GNAO1: variants seen among roughly 807,000 people sequenced by gnomAD.
GNAO1 encodes the protein G protein subunit alpha o1.
For missense variants in GNAO1, 166 were observed against 478.7 expected (o/e 0.35, Z 6.10); for synonymous variants, 164 against 180.7 (o/e 0.91, Z 0.74).
chr16:56,351,582 AG>A lies in GNAO1; in HGVS notation c.877+48del. 6.6e-7 allele frequency: 1 copy of A among 1,517,720 alleles called. No homozygotes were observed. The highest frequency in any genetic ancestry group is 9.1e-7 in the Non-Finnish European group (1 of 1,102,502). 94.0% of individuals were successfully genotyped at this position (1,517,720 alleles called of 1,614,324 possible). ...GTGCAGGGGGAAGCCTGCCCCTGAC[AG>A]GGACCCATGGCTCAGAGAACAGGCT... On this transcript the variant is annotated intron_variant, in intron 7 of 8. Coordinates refer to ENST00000262493, the MANE Select transcript of GNAO1 (RefSeq NM_020988.3). This position sits in a 1 kb window ranked among gnomAD's most constrained non-coding sequence, Gnocchi z 6.1.
intron 6 of GNAO1, among the ~76,000 whole-genome samples, chr16:56,348,960 T>C (rs2037897988): frequency 6.6e-6 from 1 of 152,208 alleles, no homozygotes; most frequent in African/African-American, 2.4e-5. Context: ...AGCTGGACTC[T>C]GAGCTCTCGG....
rs534828008 is a variant in GNAO1, at chr16:56,227,630, G to C, written c.161+35014G>C. 5.6e-5 allele frequency among the ~76,000 whole-genome samples: 8 copies of C among 141,724 alleles called. No individual in the cohort carries two copies. The South Asian group carries it at 1.4e-3, about 25-fold the overall frequency. The allele number at this position is 141,724 out of a possible 152,430, so 93.0% of individuals were successfully genotyped here. A position where few individuals can be genotyped will look rare whatever the true frequency, so the allele number is the denominator to read the frequency against. ...TTAAGCCCAGGAGGTCAAGGCTATA[G>C]TGAGCCATGACAGTGCCATTATGCT... On this transcript the variant is annotated intron_variant, in intron 2 of 8. Coordinates refer to ENST00000262493, the MANE Select transcript of GNAO1 (RefSeq NM_020988.3).
intron 2 of GNAO1, among the ~76,000 whole-genome samples, chr16:56,195,522 C>T (rs1257318508): frequency 2.6e-5 from 4 of 152,206 alleles, no homozygotes; most frequent in African/African-American, 4.8e-5. Context: ...TGGATGGGGC[C>T]AGGCCCGAAA....
intron 2 of GNAO1, among the ~76,000 whole-genome samples, chr16:56,211,926 CA>C (rs1453040040): frequency 6.6e-6 from 1 of 152,158 alleles, no homozygotes; most frequent in Non-Finnish European, 1.5e-5. Flanking sequence ...CATGGCTCTT[CA>C]CAGGGTGACT....
chr16:56,261,704 C>T (rs1226470560), intron 2 of GNAO1, among the ~76,000 whole-genome samples: 2 of 152,096 alleles, frequency 1.3e-5, no homozygotes, highest in African/African-American at 2.4e-5. Context: ...TCCAGTATGG[C>T]TTGCTTGGCT....
At chr16:56,333,847 G>C (rs1213644458) in intron 4 of GNAO1, among the ~76,000 whole-genome samples, 1 of 152,268 alleles carries the variant, frequency 6.6e-6, no homozygotes, top group Admixed American at 6.5e-5. Context: ...TGCCCCGGCA[G>C]CAGGGATGGG....
At chr16:56,209,418 A>G (rs2036364137) in intron 2 of GNAO1, among the ~76,000 whole-genome samples, 1 of 152,166 alleles carries the variant, frequency 6.6e-6, no homozygotes, top group South Asian at 2.1e-4. Flanking sequence ...CTTGGTCTTC[A>G]TGAGTGTCTT....
chr16:56,347,956 C>A, intron 6 of GNAO1: 1 of 969,346 alleles, frequency 1.0e-6, no homozygotes, highest in Non-Finnish European at 1.2e-6. Context: ...CCCCACGCAC[C>A]CCCCTCCCCC....
chr16:56,227,245 C>G (rs1404911161), intron 2 of GNAO1, among the ~76,000 whole-genome samples: 4 of 152,228 alleles, frequency 2.6e-5, no homozygotes, highest in African/African-American at 9.6e-5. Context: ...TGGCCTCCTC[C>G]ATTCCCTGCT....
chr16:56,192,750 A>ACACC (rs1555499831), intron 2 of GNAO1, 134 bp downstream of exon 2: 25 of 574,218 alleles, frequency 4.4e-5, no homozygotes, highest in Admixed American at 3.2e-4. Flanking sequence ...ACACACACAC[A>ACACC]CCCCTATATT....
intron 2 of GNAO1, among the ~76,000 whole-genome samples, chr16:56,253,767 G>T (rs575723929): frequency 6.6e-6 from 1 of 152,232 alleles, no homozygotes; most frequent in African/African-American, 2.4e-5. Flanking sequence ...GAAGCAGAGT[G>T]GGGGACATGT....
At chr16:56,251,814 C>A (rs998777111) in intron 2 of GNAO1, among the ~76,000 whole-genome samples, 11 of 152,174 alleles carry the variant, frequency 7.2e-5, no homozygotes, top group Admixed American at 2.0e-4. Context: ...CTCCCTCTCA[C>A]TCTGCACTCC....
chr16:56,295,264 G>A (rs2037274495), intron 3 of GNAO1, among the ~76,000 whole-genome samples: 1 of 152,118 alleles, frequency 6.6e-6, no homozygotes, highest in African/African-American at 2.4e-5. Context: ...TGGACTCTGG[G>A]GTCAGACAGT....
chr16:56,208,576 T>C (rs1003655536), intron 2 of GNAO1, among the ~76,000 whole-genome samples: 12 of 152,196 alleles, frequency 7.9e-5, no homozygotes, highest in African/African-American at 2.7e-4. Context: ...AAGTGGTAAT[T>C]CCATCTTTAT....
intron 2 of GNAO1, among the ~76,000 whole-genome samples, chr16:56,269,482 A>G (rs1338535457): frequency 1.3e-5 from 2 of 152,220 alleles, no homozygotes; most frequent in Non-Finnish European, 2.9e-5. Flanking sequence ...TTGACTGCCG[A>G]CTGTGCTGGG....
At chr16:56,225,694 G>C (rs1303730885) in intron 2 of GNAO1, among the ~76,000 whole-genome samples, 3 of 152,146 alleles carry the variant, frequency 2.0e-5, no homozygotes, top group Non-Finnish European at 4.4e-5. Context: ...TAGTAAGACA[G>C]TAAGCATTTA....
intron 3 of GNAO1, among the ~76,000 whole-genome samples, chr16:56,320,612 G>A (rs918874096): frequency 2.6e-5 from 4 of 152,204 alleles, no homozygotes; most frequent in Non-Finnish European, 5.9e-5. Flanking sequence ...GAGGCTCCTC[G>A]AAGGGTGTGG....
At chr16:56,246,624 A>G (rs1343420285) in intron 2 of GNAO1, among the ~76,000 whole-genome samples, 4 of 152,144 alleles carry the variant, frequency 2.6e-5, no homozygotes, top group Non-Finnish European at 5.9e-5. Flanking sequence ...AGGGTTTCCC[A>G]TAAGGAAAAG....
chr16:56,341,925 GCAGA>G (rs1247357187), intron 6 of GNAO1, among the ~76,000 whole-genome samples: 1 of 152,230 alleles, frequency 6.6e-6, no homozygotes, highest in Non-Finnish European at 1.5e-5. Flanking sequence ...CAGAGCAGGG[GCAGA>G]CAGAGTCCCA....
Sources: allele counts gnomAD v4.1 joint callset (sites outside exome capture counted in the v4.1 genomes callset), GRCh38; gene constraint gnomAD v4.1.1; non-coding constraint Gnocchi (gnomAD v3.1); transcripts MANE v1.5; gene names NCBI Gene and HGNC (gene_info 2026-07-23, HGNC 2026-07-21).